Variants in UBXN11 observed in about 807,000 individuals in gnomAD.
UBXN11 encodes UBX domain protein 11, also known as UBX domain-containing protein 11.
A neutral mutation model predicts 62.8 loss-of-function variants in UBXN11; 47 were observed. The observed-to-expected ratio is 0.75, with a 90% CI of 0.59 to 0.95. The LOEUF (loss-of-function observed/expected upper bound fraction) is 0.95. Among genes scored for constraint, UBXN11 ranks in the 40% least tolerant of loss-of-function variants. The probability of loss-of-function intolerance (pLI) is 0.00; values close to 1 mark genes in which losing one functional copy is unlikely to be tolerated. For missense variants in UBXN11, 638 were observed against 661.7 expected (o/e 0.96, Z 0.39); for synonymous variants, 294 against 267.0 (o/e 1.10, Z -0.99).
intron 12 of UBXN11, among the ~76,000 whole-genome samples, chr1:26,283,803 A>G (rs2073059426): frequency 6.6e-6 from 1 of 152,208 alleles, no homozygotes; most frequent in African/African-American, 2.4e-5. Flanking sequence ...AGACAGAATG[A>G]TGAGGGCCAA....
rs1235267301 is a variant in UBXN11 at position 26,297,953 on chromosome 1, G to C, written c.300+9C>G. ...CCGGCCCCTGGCCCTCTCCCACCTG[G>C]AGCCCCACCTTGGACAGTATCTCAT... On this transcript the variant is annotated intron_variant, in intron 5 of 14. Transcript: ENST00000374222. 6.2e-7 allele frequency: 1 copy of C among 1,612,850 alleles called. No individual in the cohort carries two copies. Among genetic ancestry groups the C allele is most frequent in the Admixed American group, 1.7e-5 (1 of 59,878 alleles).
At position 26,282,377 on chromosome 1, in the gene UBXN11, GGGACTGGGGCCGGGACCGGGACCGGGAC is replaced by G. The variant is rs757886085; in HGVS notation, c.1457_1484del (p.Cys486SerfsTer?). On this transcript the variant is annotated frameshift_variant, in exon 15 of 15. Coordinates refer to ENST00000374222, the MANE Select transcript of UBXN11 (RefSeq NM_001389556.1). LOFTEE classifies it low-confidence loss of function (END_TRUNC). ...CGGGACTGGGGCCGGGACCGGGACC[GGGACTGGGGCCGGGACCGGGACCGGGAC>G]AGGGACCAGGACTGAATTTCAGGCT... is the stretch of plus-strand genomic sequence containing the variant. 0.18 allele frequency: 159,426 copies of G among 880,852 alleles called. 11,680 individuals are homozygous for G. The highest frequency in any genetic ancestry group is 0.25 in the South Asian group (14,048 of 55,434). 54.6% of individuals were successfully genotyped at this position (880,852 alleles called of 1,614,324 possible).
At position 26,303,514 on chromosome 1, in the gene UBXN11, C is replaced by T. The variant is rs961594895; in HGVS notation, c.-35-596G>A. Among the ~76,000 whole-genome samples the T allele has an allele frequency of 2.7e-5, 4 of 150,446 alleles. No individual in the cohort carries two copies. The East Asian group carries it at 7.8e-4, about 29-fold the overall frequency. ...TGGCGTGCTCCTGTAGTCCCAGCTA[C>T]TTGGGAGTCTGAGGCACGAGAATCG... is the stretch of plus-strand genomic sequence containing the variant. On this transcript the variant is annotated intron_variant, in intron 1 of 14. Transcript: ENST00000374222.
intron 8 of UBXN11, 57 bp from the exon 9 acceptor site, chr1:26,286,094 C>A: frequency 6.7e-7 from 1 of 1,490,950 alleles, no homozygotes; most frequent in African/African-American, 1.4e-5. Context: ...TCCCTAGCAG[C>A]CCTAGCCTCT....
upstream of UBXN11, among the ~76,000 whole-genome samples, chr1:26,308,181 C>G (rs769812000): frequency 2.7e-5 from 4 of 150,872 alleles, no homozygotes; most frequent in Non-Finnish European, 2.9e-5. Context: ...GCAGGAGAAT[C>G]GCTTGAACCT....
At chr1:26,306,569 G>A (rs1026930446) in intron 1 of UBXN11, 23 bp downstream of exon 1, 16 of 152,302 alleles carry the variant, frequency 1.1e-4, no homozygotes, top group African/African-American at 3.4e-4. Context: ...TCCAGGGGCA[G>A]AAAGGTCTTA....
intron 2 of UBXN11, among the ~76,000 whole-genome samples, chr1:26,302,168 T>A (rs1305551942): frequency 2.6e-5 from 4 of 151,970 alleles, no homozygotes; most frequent in African/African-American, 9.6e-5. Flanking sequence ...ATCGAGACCA[T>A]CCTGGGTAAC....
intron 12 of UBXN11, among the ~76,000 whole-genome samples, 182 bp from the exon 13 acceptor site, chr1:26,283,119 G>A (rs2124630219): frequency 6.6e-6 from 1 of 152,284 alleles, no homozygotes; most frequent in Non-Finnish European, 1.5e-5. Context: ...GTTCTGGGAG[G>A]CAGCCCCATG....
At chr1:26,297,653 G>A (rs374902991) in intron 5 of UBXN11, among the ~76,000 whole-genome samples, 172 bp from the exon 6 acceptor site, 17 of 152,190 alleles carry the variant, frequency 1.1e-4, no homozygotes, top group African/African-American at 3.6e-4. Flanking sequence ...TTCCTCTGAG[G>A]TAGGGAGAGG....
At chr1:26,287,145 C>T (rs1234895010) in intron 8 of UBXN11, among the ~76,000 whole-genome samples, 4 of 152,130 alleles carry the variant, frequency 2.6e-5, no homozygotes, top group African/African-American at 9.7e-5. Flanking sequence ...CACCCATCTG[C>T]ACCATCAGGA....
At chr1:26,296,868 A>G in intron 7 of UBXN11, 51 bp downstream of exon 7, 1 of 1,548,910 alleles carries the variant, frequency 6.5e-7, no homozygotes, top group Non-Finnish European at 8.8e-7. Context: ...CATGCCGTGA[A>G]GAGCTGGGGA....
At chr1:26,303,423 G>A (rs1024601611) in intron 1 of UBXN11, among the ~76,000 whole-genome samples, 10 of 151,884 alleles carry the variant, frequency 6.6e-5, no homozygotes, top group South Asian at 6.2e-4. Context: ...TCAGTGGTTC[G>A]AGATCAGCTG....
chr1:26,302,314 C>G (rs894402115), intron 2 of UBXN11, among the ~76,000 whole-genome samples: 1 of 129,542 alleles, frequency 7.7e-6, no homozygotes, highest in Admixed American at 9.5e-5. Context: ...GAGCCAAGAT[C>G]GTGCCACTGC....
chr1:26,289,676 G>A (rs576587933), intron 8 of UBXN11, among the ~76,000 whole-genome samples: 8 of 152,290 alleles, frequency 5.3e-5, no homozygotes, highest in South Asian at 2.1e-4. Flanking sequence ...AAGACGGGGC[G>A]GCAAATGGCG....
chr1:26,313,592 G>A (rs1457713468), intron 1 of UBXN11, among the ~76,000 whole-genome samples: 1 of 152,024 alleles, frequency 6.6e-6, no homozygotes, highest in Non-Finnish European at 1.5e-5. Context: ...TCAGTACCTG[G>A]TACACAGCAG....
chr1:26,304,427 A>G (rs1175918595), intron 1 of UBXN11, among the ~76,000 whole-genome samples: 1 of 152,164 alleles, frequency 6.6e-6, no homozygotes, highest in Non-Finnish European at 1.5e-5. Context: ...GCTCATGCCT[A>G]TAATCCCAGC....
intron 1 of UBXN11, among the ~76,000 whole-genome samples, chr1:26,313,042 C>T (rs1331048671): frequency 7.4e-6 from 1 of 134,548 alleles, no homozygotes; most frequent in Non-Finnish European, 1.6e-5. Flanking sequence ...TAGGTGGGTG[C>T]GTGGATAGGT....
chr1:26,302,967 A>C, intron 1 of UBXN11, 49 bp from the exon 2 acceptor site: 1 of 1,395,452 alleles, frequency 7.2e-7, no homozygotes, highest in Non-Finnish European at 1.0e-6. Flanking sequence ...CAGGGCTCCA[A>C]GCCCAGGGGG....
chr1:26,293,482 C>CT (rs1199563147), intron 8 of UBXN11, among the ~76,000 whole-genome samples: 4 of 151,996 alleles, frequency 2.6e-5, no homozygotes, highest in Non-Finnish European at 5.9e-5. Context: ...AATCCCAGCA[C>CT]TTTGGGAGGC....
Sources: gnomAD v4.1 joint callset for allele counts (sites outside exome capture counted in the v4.1 genomes callset) on GRCh38, gnomAD v4.1.1 for gene constraint, MANE v1.5 for transcripts, NCBI Gene and HGNC (gene_info 2026-07-23, HGNC 2026-07-21) for gene names.